CNTNAP2: variants seen among roughly 807,000 people sequenced by gnomAD.
The protein encoded by CNTNAP2 is contactin associated protein 2.
Under a neutral mutation model 155.2 loss-of-function variants are expected in CNTNAP2, and 98 were observed. That is an observed-to-expected ratio of 0.63 (90% CI 0.54 to 0.75). The LOEUF (loss-of-function observed/expected upper bound fraction) is 0.75, where lower values mean the gene tolerates loss of function less well. CNTNAP2 is among the 30% of genes least tolerant of loss of function. CNTNAP2 has a pLI of 0.00. For missense variants in CNTNAP2, 1,727 were observed against 1,688.1 expected (o/e 1.02, Z -0.40); for synonymous variants, 651 against 631.2 (o/e 1.03, Z -0.47).
At chr7:147,798,663 T>A (rs1003525963) in intron 13 of CNTNAP2, among the ~76,000 whole-genome samples, 2 of 152,264 alleles carry the variant, frequency 1.3e-5, no homozygotes, top group Admixed American at 1.3e-4. Flanking sequence ...TCCCTCTCAT[T>A]TTATTGGCTA....
chr7:146,555,256 C>T (rs1303365367), intron 1 of CNTNAP2, among the ~76,000 whole-genome samples: 1 of 152,166 alleles, frequency 6.6e-6, no homozygotes, highest in Admixed American at 6.5e-5. Flanking sequence ...GACCCACCTT[C>T]CCACACCATC....
intron 1 of CNTNAP2, among the ~76,000 whole-genome samples, chr7:146,587,255 G>A (rs1360791752): frequency 2.0e-5 from 3 of 151,956 alleles, no homozygotes; most frequent in Admixed American, 6.6e-5. Flanking sequence ...TATAATATAT[G>A]GCCATTAATT....
intron 18 of CNTNAP2, among the ~76,000 whole-genome samples, chr7:148,212,103 T>C (rs1485012849): frequency 6.6e-6 from 1 of 151,548 alleles, no homozygotes; most frequent in Non-Finnish European, 1.5e-5. Context: ...TAGGAGTGAG[T>C]GCCAGCTGTT....
In CNTNAP2 at chr7:146,502,224, AATATATAT is replaced by A. The variant is rs59759183; in HGVS notation, c.98-272018_98-272011del. On this transcript the variant is annotated intron_variant, in intron 1 of 23. Coordinates refer to ENST00000361727, the MANE Select transcript of CNTNAP2 (RefSeq NM_014141.6). ...ATTCCATTGTGTGTGTATATATATG[AATATATAT>A]ATATATATATATATATATATATATA... 7.5e-3 allele frequency among the ~76,000 whole-genome samples: 715 copies of A among 94,796 alleles called. 7 individuals are homozygous for A. Among genetic ancestry groups the A allele is most frequent in the African/African-American group, 0.015 (346 of 22,734 alleles). The allele number at this position is 94,796 out of a possible 152,430, so 62.2% of individuals were successfully genotyped here. A position where few individuals can be genotyped will look rare whatever the true frequency, so the allele number is the denominator to read the frequency against.
chr7:147,631,387 A>T (rs755802025), intron 12 of CNTNAP2, among the ~76,000 whole-genome samples: 1 of 152,186 alleles, frequency 6.6e-6, no homozygotes, highest in Admixed American at 6.5e-5. Flanking sequence ...TAGAATCAAT[A>T]CTGTGAAAAT....
intron 16 of CNTNAP2, among the ~76,000 whole-genome samples, chr7:148,144,676 A>G (rs1414651426): frequency 3.3e-5 from 5 of 152,212 alleles, no homozygotes; most frequent in South Asian, 4.1e-4. Context: ...GTTCTTTCCA[A>G]TGAGCCAGGC....
chr7:146,745,169 T>C (rs1360077552), intron 1 of CNTNAP2, among the ~76,000 whole-genome samples: 1 of 152,112 alleles, frequency 6.6e-6, no homozygotes, highest in Admixed American at 6.5e-5. Context: ...CATTACTAAA[T>C]TTTACACCCA....
At chr7:146,812,810 T>G (rs2129194191) in intron 2 of CNTNAP2, among the ~76,000 whole-genome samples, 1 of 152,140 alleles carries the variant, frequency 6.6e-6, no homozygotes, top group South Asian at 2.1e-4. Flanking sequence ...AGAAGGGAAA[T>G]ATTGTTTCCT....
At chr7:147,609,676 C>A (rs1801145390) in intron 12 of CNTNAP2, among the ~76,000 whole-genome samples, 1 of 151,948 alleles carries the variant, frequency 6.6e-6, no homozygotes, top group Non-Finnish European at 1.5e-5. Flanking sequence ...GAAGACTTTC[C>A]TTTATCCTCT....
intron 1 of CNTNAP2, among the ~76,000 whole-genome samples, chr7:146,542,608 T>G (rs1797968857): frequency 6.6e-6 from 1 of 151,928 alleles, no homozygotes; most frequent in South Asian, 2.1e-4. Flanking sequence ...CCCCCCTTAC[T>G]TCCTGTGATA....
intron 15 of CNTNAP2, among the ~76,000 whole-genome samples, chr7:147,989,743 C>G (rs1033332478): frequency 3.3e-5 from 5 of 152,154 alleles, no homozygotes; most frequent in Non-Finnish European, 5.9e-5. Flanking sequence ...TCCACATAAG[C>G]AATCTCTCAT....
At chr7:147,775,447 A>G (rs1409056592) in intron 13 of CNTNAP2, among the ~76,000 whole-genome samples, 2 of 136,396 alleles carry the variant, frequency 1.5e-5, no homozygotes, top group African/African-American at 2.7e-5. Flanking sequence ...ATTCTGAACC[A>G]TAATTCTCTA....
At chr7:147,282,337 C>T (rs1290906748) in intron 8 of CNTNAP2, among the ~76,000 whole-genome samples, 4 of 151,856 alleles carry the variant, frequency 2.6e-5, no homozygotes, top group Admixed American at 6.6e-5. Context: ...CTTATATCCC[C>T]AGCTACCAAA....
chr7:148,145,403 A>C lies in CNTNAP2; in HGVS notation c.2555-2088A>C, dbSNP rs187868488. Among the ~76,000 whole-genome samples the C allele has an allele frequency of 1.2e-3, 181 of 152,348 alleles. 1 individual carries two copies. Among genetic ancestry groups the C allele is most frequent in the African/African-American group, 4.2e-3 (174 of 41,578 alleles). ...ACTCAGAGTTTTTCCAAGTAGTGAC[A>C]GTTTGAAGACCTGGACACGAATTCA... On this transcript the variant is annotated intron_variant, in intron 16 of 23. Coordinates refer to ENST00000361727, the MANE Select transcript of CNTNAP2 (RefSeq NM_014141.6).
intron 21 of CNTNAP2, among the ~76,000 whole-genome samples, chr7:148,320,376 CTTTTTTTT>C (rs67424217): frequency 0.013 from 828 of 63,446 alleles, 10 homozygotes; most frequent in African/African-American, 0.043. Context: ...ATTTTTTTTT[CTTTTTTTT>C]TTTTTTTTTT....
At chr7:147,544,727 T>C (rs1799700691) in intron 11 of CNTNAP2, among the ~76,000 whole-genome samples, 2 of 152,052 alleles carry the variant, frequency 1.3e-5, no homozygotes, top group South Asian at 4.2e-4. Flanking sequence ...GGGAGGGACC[T>C]GGTGGGAGAC....
chr7:146,476,563 G>A (rs1176993684), intron 1 of CNTNAP2, among the ~76,000 whole-genome samples: 4 of 152,104 alleles, frequency 2.6e-5, no homozygotes, highest in African/African-American at 7.2e-5. Context: ...TGAACGTAGA[G>A]TTGTACACAG....
At chr7:147,266,054 T>A (rs527799311) in intron 8 of CNTNAP2, among the ~76,000 whole-genome samples, 1 of 152,288 alleles carries the variant, frequency 6.6e-6, no homozygotes, top group South Asian at 2.1e-4. Flanking sequence ...AAAAAAATGC[T>A]GAACACTCAA....
At chr7:146,693,008 G>T (rs892050254) in intron 1 of CNTNAP2, among the ~76,000 whole-genome samples, 1 of 152,176 alleles carries the variant, frequency 6.6e-6, no homozygotes, top group Non-Finnish European at 1.5e-5. Context: ...CACTGGACTT[G>T]AGATGAAGGA....
Sources: gnomAD v4.1 joint callset for allele counts (sites outside exome capture counted in the v4.1 genomes callset) on GRCh38, gnomAD v4.1.1 for gene constraint, MANE v1.5 for transcripts, NCBI Gene and HGNC (gene_info 2026-07-23, HGNC 2026-07-21) for gene names.